Variants in DTWD2 observed in about 807,000 individuals in gnomAD.
DTWD2 encodes the protein tRNA-uridine aminocarboxypropyltransferase 2.
In DTWD2, 39 loss-of-function variants were observed where a neutral mutation model predicts 31.8. That is an observed-to-expected ratio of 1.22 (90% CI 0.95 to 1.60). The LOEUF is 1.60. DTWD2 is among the 40% of genes most tolerant of loss of function. The probability of loss-of-function intolerance (pLI) is 0.00; values close to 1 mark genes in which losing one functional copy is unlikely to be tolerated. For missense variants in DTWD2, 515 were observed against 381.5 expected (o/e 1.35, Z -2.92); for synonymous variants, 180 against 142.8 (o/e 1.26, Z -1.86).
chr5:118,858,878 T>TCCACACA (rs1752196668), intron 4 of DTWD2, among the ~76,000 whole-genome samples: 1 of 152,206 alleles, frequency 6.6e-6, no homozygotes, highest in Non-Finnish European at 1.5e-5. Context: ...ACATTGCAGT[T>TCCACACA]AGCTGTTAGG....
intron 4 of DTWD2, among the ~76,000 whole-genome samples, chr5:118,888,725 ATG>A (rs1357963856): frequency 1.3e-5 from 2 of 152,204 alleles, no homozygotes; most frequent in Non-Finnish European, 2.9e-5. Context: ...ACCACTAGCT[ATG>A]TTTGAGAGTT....
intron 1 of DTWD2, among the ~76,000 whole-genome samples, chr5:118,968,998 G>C (rs902279845): frequency 6.6e-5 from 10 of 152,222 alleles, no homozygotes; most frequent in Non-Finnish European, 1.0e-4. Context: ...GGCTCCTCTG[G>C]GGAGTCCAGG....
At chr5:118,891,522 C>T (rs929925366) in intron 4 of DTWD2, among the ~76,000 whole-genome samples, 3 of 152,182 alleles carry the variant, frequency 2.0e-5, no homozygotes, top group African/African-American at 7.2e-5. Context: ...TCACAGCCTA[C>T]TCTCAATTGT....
At chr5:118,951,052 G>T (rs562791010) in intron 1 of DTWD2, among the ~76,000 whole-genome samples, 1 of 151,928 alleles carries the variant, frequency 6.6e-6, no homozygotes, top group African/African-American at 2.4e-5. Context: ...CATATTTGAT[G>T]AAAAAAAGCC....
At chr5:118,860,575 C>A (rs1752237961) in intron 4 of DTWD2, among the ~76,000 whole-genome samples, 1 of 152,094 alleles carries the variant, frequency 6.6e-6, no homozygotes, top group Admixed American at 6.5e-5. Flanking sequence ...TGTAAATATT[C>A]ATTAAATATT....
At chr5:118,856,013 T>C (rs1391331115) in intron 4 of DTWD2, among the ~76,000 whole-genome samples, 1 of 152,134 alleles carries the variant, frequency 6.6e-6, no homozygotes, top group East Asian at 1.9e-4. Context: ...TTTAAGAAAC[T>C]GAATATATCC....
At chr5:118,843,371 G>GAGGAAGGGAGGAATGAAGGAAGGA (rs754423234) in intron 5 of DTWD2, among the ~76,000 whole-genome samples, 3 of 143,746 alleles carry the variant, frequency 2.1e-5, no homozygotes, top group Non-Finnish European at 4.5e-5. Flanking sequence ...GGGAGGAAGG[G>GAGGAAGGGAGGAATGAAGGAAGGA]AGGAAGGAAG....
chr5:118,928,901 T>C (rs976838574), intron 3 of DTWD2, among the ~76,000 whole-genome samples, 172 bp from the exon 4 acceptor site: 3 of 152,252 alleles, frequency 2.0e-5, no homozygotes, highest in African/African-American at 7.2e-5. Flanking sequence ...TTGTGTACTC[T>C]CTACTGATGT....
chr5:118,912,009 T>C (rs530481179), intron 4 of DTWD2, among the ~76,000 whole-genome samples: 2 of 152,314 alleles, frequency 1.3e-5, no homozygotes, highest in East Asian at 3.9e-4. Flanking sequence ...GGCATATTTT[T>C]CTTCACACCA....
chr5:118,982,952 G>A (rs1237230472), intron 1 of DTWD2, among the ~76,000 whole-genome samples: 2 of 152,066 alleles, frequency 1.3e-5, no homozygotes, highest in Non-Finnish European at 2.9e-5. Flanking sequence ...GCCTCCCAAA[G>A]TGCTGGGACT....
chr5:118,877,326 G>T (rs1752643014), intron 4 of DTWD2, among the ~76,000 whole-genome samples: 1 of 151,992 alleles, frequency 6.6e-6, no homozygotes, highest in South Asian at 2.1e-4. Context: ...CAAAAAATTA[G>T]CCAGGCGTGG....
At chr5:118,866,558 G>T (rs1406694042) in intron 4 of DTWD2, among the ~76,000 whole-genome samples, 4 of 152,126 alleles carry the variant, frequency 2.6e-5, no homozygotes, top group Admixed American at 2.6e-4. Flanking sequence ...GAAATAAATT[G>T]AAAGGTAAAA....
At chr5:118,857,320 G>A (rs988839605) in intron 4 of DTWD2, among the ~76,000 whole-genome samples, 4 of 151,984 alleles carry the variant, frequency 2.6e-5, no homozygotes, top group South Asian at 4.1e-4. Context: ...ATAATATAGC[G>A]TGTATAACTC....
chr5:118,917,921 C>T (rs1194996960), intron 4 of DTWD2, among the ~76,000 whole-genome samples: 1 of 151,676 alleles, frequency 6.6e-6, no homozygotes, highest in Non-Finnish European at 1.5e-5. Context: ...GCCGAGATCG[C>T]ACCACTGCAC....
chr5:118,935,476 G>A (rs556488956), intron 3 of DTWD2, among the ~76,000 whole-genome samples: 2 of 152,252 alleles, frequency 1.3e-5, no homozygotes, highest in Non-Finnish European at 2.9e-5. Context: ...TGAACTGGAA[G>A]ACACCCAACT....
At chr5:118,900,001 C>T (rs72784032) in intron 4 of DTWD2, among the ~76,000 whole-genome samples, 5,303 of 152,094 alleles carry the variant, frequency 0.035, 148 homozygotes, top group Non-Finnish European at 0.056. Flanking sequence ...GGGGATTTCA[C>T]TATGTTGACC....
At chr5:118,878,852 G>A (rs1397481970) in intron 4 of DTWD2, among the ~76,000 whole-genome samples, 2 of 152,078 alleles carry the variant, frequency 1.3e-5, no homozygotes, top group Non-Finnish European at 2.9e-5. Flanking sequence ...CACTTCAAAA[G>A]AAGACATACA....
intron 4 of DTWD2, among the ~76,000 whole-genome samples, chr5:118,877,248 G>A (rs965757068): frequency 2.6e-4 from 40 of 152,126 alleles, no homozygotes; most frequent in African/African-American, 8.5e-4. Context: ...CGAGGCAGGT[G>A]GATCACAAGG....
intron 2 of DTWD2, among the ~76,000 whole-genome samples, chr5:118,943,785 T>G (rs1754264106): frequency 2.0e-5 from 3 of 152,154 alleles, no homozygotes. Flanking sequence ...AAGAAAAGAT[T>G]AATTTCTTTT....
Sources: allele counts gnomAD v4.1 joint callset (sites outside exome capture counted in the v4.1 genomes callset), GRCh38; gene constraint gnomAD v4.1.1; transcripts MANE v1.5; gene names NCBI Gene and HGNC (gene_info 2026-07-23, HGNC 2026-07-21).